The following GALNT17 variants were observed in gnomAD, a reference collection of about 807,000 sequenced individuals.
GALNT17 encodes polypeptide N-acetylgalactosaminyltransferase 17, also known as UDP-GalNAc:polypeptide N-acetylgalactosaminyltransferase-like 3.
In GALNT17, 29 loss-of-function variants were observed where a neutral mutation model predicts 63.7. The observed-to-expected ratio is 0.46, with a 90% confidence interval of 0.34 to 0.62. GALNT17 has a LOEUF of 0.62. GALNT17 is among the 20% of genes least tolerant of loss of function. GALNT17 has a pLI of 0.01. For missense variants in GALNT17, 603 were observed against 799.6 expected, an observed-to-expected ratio of 0.75 and a Z score of 2.97; for synonymous variants, 305 against 318.3, an observed-to-expected ratio of 0.96 and a Z score of 0.45.
intron 1 of GALNT17, among the ~76,000 whole-genome samples, chr7:71,315,882 C>T (rs80322158): frequency 0.014 from 2,147 of 152,194 alleles, 26 homozygotes; most frequent in Middle Eastern, 0.027. Context: ...GGGTGTGTGT[C>T]CATGTCCATC....
At chr7:71,281,724 G>A (rs1010103986) in intron 1 of GALNT17, among the ~76,000 whole-genome samples, 2 of 152,152 alleles carry the variant, frequency 1.3e-5, no homozygotes, top group Admixed American at 6.5e-5. Flanking sequence ...CTGGAAAATC[G>A]TGTTGGTTTT....
intron 1 of GALNT17, among the ~76,000 whole-genome samples, chr7:71,267,938 C>T (rs1186924084): frequency 6.8e-6 from 1 of 147,992 alleles, no homozygotes; most frequent in African/African-American, 2.5e-5. Flanking sequence ...GGTTTCTTTA[C>T]TTAAAAACAG....
At chr7:71,623,295 G>T (rs1294013824) in intron 6 of GALNT17, among the ~76,000 whole-genome samples, 2 of 151,570 alleles carry the variant, frequency 1.3e-5, no homozygotes, top group Admixed American at 6.6e-5. Context: ...CAGGGTTTTT[G>T]TGAGGTTTAA....
At chr7:71,186,519 G>A (rs1203489708) in intron 1 of GALNT17, among the ~76,000 whole-genome samples, 1 of 152,200 alleles carries the variant, frequency 6.6e-6, no homozygotes, top group Non-Finnish European at 1.5e-5. Flanking sequence ...GCTGGAGAGT[G>A]TAAGAGCTTA....
intron 5 of GALNT17, among the ~76,000 whole-genome samples, chr7:71,441,827 G>T (rs1330934485): frequency 6.6e-6 from 1 of 152,132 alleles, no homozygotes; most frequent in African/African-American, 2.4e-5. Flanking sequence ...CTTTTTAATG[G>T]CTGCATAGTA....
chr7:71,144,435 C>T (rs1258039061), intron 1 of GALNT17, among the ~76,000 whole-genome samples: 1 of 152,288 alleles, frequency 6.6e-6, no homozygotes, highest in East Asian at 1.9e-4. Context: ...TGTTCACATC[C>T]ATTAGTGAGC....
chr7:71,343,906 G>T (rs1330213876), intron 2 of GALNT17, among the ~76,000 whole-genome samples: 1 of 150,636 alleles, frequency 6.6e-6, no homozygotes, highest in Non-Finnish European at 1.5e-5. Flanking sequence ...TGTTCTTTTG[G>T]TCTGTATTTC....
intron 1 of GALNT17, 38 bp downstream of exon 1, chr7:71,133,078 G>A: frequency 6.8e-7 from 1 of 1,473,906 alleles, no homozygotes; most frequent in Non-Finnish European, 9.0e-7. Flanking sequence ...GCTCGACGCG[G>A]GCGGGCCGGG....
chr7:71,138,172 C>A (rs2116154006), intron 1 of GALNT17, among the ~76,000 whole-genome samples: 1 of 152,178 alleles, frequency 6.6e-6, no homozygotes, highest in Admixed American at 6.5e-5. Flanking sequence ...CACAGCAAGA[C>A]CTCATCTTTA....
chr7:71,561,469 C>A (rs1047456348), intron 5 of GALNT17, among the ~76,000 whole-genome samples: 6 of 151,994 alleles, frequency 3.9e-5, no homozygotes, highest in Admixed American at 3.3e-4. Flanking sequence ...GCACGTGGGA[C>A]CTTGGAATGA....
intron 6 of GALNT17, among the ~76,000 whole-genome samples, chr7:71,635,241 A>G (rs577334799): frequency 6.6e-6 from 1 of 151,452 alleles, no homozygotes; most frequent in Non-Finnish European, 1.5e-5. Context: ...GCCCAGGTTC[A>G]GATAAACGAT....
chr7:71,451,583 C>T (rs73700987), intron 5 of GALNT17, among the ~76,000 whole-genome samples: 1,989 of 152,220 alleles, frequency 0.013, 41 homozygotes, highest in African/African-American at 0.045. Context: ...GTCTGTTCCT[C>T]TTTTCTCCTT....
chr7:71,631,263 G>A (rs1790449432), intron 6 of GALNT17, among the ~76,000 whole-genome samples: 1 of 151,336 alleles, frequency 6.6e-6, no homozygotes, highest in African/African-American at 2.4e-5. Flanking sequence ...TATGATCATA[G>A]CTCACTGTAG....
intron 1 of GALNT17, chr7:71,300,498 T>C (rs532052217): frequency 2.3e-6 from 1 of 439,332 alleles, no homozygotes; most frequent in Non-Finnish European, 4.5e-6. Context: ...GGATAACAAA[T>C]GGAGGTGGGT....
intron 1 of GALNT17, among the ~76,000 whole-genome samples, chr7:71,222,097 G>C (rs539520551): frequency 6.6e-6 from 1 of 151,062 alleles, no homozygotes; most frequent in East Asian, 2.0e-4. Context: ...AGTAGAGATG[G>C]GGTTTCACCA....
intron 6 of GALNT17, among the ~76,000 whole-genome samples, chr7:71,637,536 A>G (rs1464011599): frequency 2.0e-5 from 3 of 151,332 alleles, no homozygotes; most frequent in Non-Finnish European, 2.9e-5. Context: ...CTTCCCTCCA[A>G]ATAGGTTTAG....
At chr7:71,303,160 G>T (rs1184989405) in intron 1 of GALNT17, among the ~76,000 whole-genome samples, 1 of 55,944 alleles carries the variant, frequency 1.8e-5, no homozygotes, top group African/African-American at 3.5e-5. Flanking sequence ...ACTGCACCCA[G>T]CCTTTTTTTT....
chr7:71,577,904 G>A (rs1354763912), intron 6 of GALNT17, among the ~76,000 whole-genome samples: 1 of 151,996 alleles, frequency 6.6e-6, no homozygotes, highest in Non-Finnish European at 1.5e-5. Context: ...CTGAAGACCT[G>A]GGGGGTGGTT....
chr7:71,323,991 G>A (rs566958737), intron 1 of GALNT17, among the ~76,000 whole-genome samples: 1 of 152,096 alleles, frequency 6.6e-6, no homozygotes, highest in Non-Finnish European at 1.5e-5. Flanking sequence ...AAGGATTTCC[G>A]GGGCTCTGTT....
Sources: gnomAD v4.1 joint callset for allele counts (sites outside exome capture counted in the v4.1 genomes callset) on GRCh38, gnomAD v4.1.1 for gene constraint, MANE v1.5 for transcripts, NCBI Gene and HGNC (gene_info 2026-07-23, HGNC 2026-07-21) for gene names.